IGSF21: variants seen among roughly 807,000 people sequenced by gnomAD.
IGSF21 encodes immunoglobin superfamily member 21.
Under a neutral mutation model 46.8 loss-of-function variants are expected in IGSF21, and 28 were observed. The ratio of observed to expected loss-of-function variants is 0.60; its 90% CI spans 0.44 to 0.82. IGSF21 has a LOEUF of 0.82. IGSF21 is among the 40% of genes least tolerant of loss of function. IGSF21 has a pLI of 0.00. For synonymous variants in IGSF21, 284 were observed against 273.6 expected (o/e 1.04, Z -0.38); for missense variants, 624 against 665.5 (o/e 0.94, Z 0.69).
chr1:18,120,150 G>A (rs2086222474), intron 1 of IGSF21, among the ~76,000 whole-genome samples: 1 of 152,262 alleles, frequency 6.6e-6, no homozygotes, highest in Non-Finnish European at 1.5e-5. Flanking sequence ...GGGACTATTT[G>A]CATAGGATTT....
chr1:18,227,828 C>T (rs1190858620), intron 1 of IGSF21, 70 bp from the exon 2 acceptor site: 3 of 1,110,884 alleles, frequency 2.7e-6, no homozygotes, highest in African/African-American at 1.5e-5. Flanking sequence ...TCTCCCTGGC[C>T]CTGCCCTCAT....
At chr1:18,230,453 T>A (rs1024163630) in intron 2 of IGSF21, among the ~76,000 whole-genome samples, 4 of 152,174 alleles carry the variant, frequency 2.6e-5, no homozygotes, top group African/African-American at 9.7e-5. Context: ...ACTGAGGGCC[T>A]CTGGAGCAGG....
rs753701060 is a variant in IGSF21 at position 18,365,606 on chromosome 1, C to T, written c.924C>T (p.Thr308=). The change falls in exon 6 of 10, where the codon ACC becomes ACT. Residue 308 remains threonine (T), a synonymous_variant. Transcript: ENST00000251296. The surrounding 1 kb of genome is among the most constrained non-coding windows in gnomAD (Gnocchi z 4.8). The part of the protein sequence containing the change: ...TVEVRALLTW[T]LNPQIDNEAL... ...AAGTACGTGCCCTGCTCACCTGGAC[C>T]CTCAACCCACAGATCGACAACGAGG... 1 of 1,614,214 alleles carries T rather than the reference C, an allele frequency of 6.2e-7. No individual in the cohort carries two copies. The highest frequency in any genetic ancestry group is 1.1e-5 in the South Asian group (1 of 91,082).
At chr1:18,356,283 C>T (rs1245080726) in intron 4 of IGSF21, among the ~76,000 whole-genome samples, 2 of 152,200 alleles carry the variant, frequency 1.3e-5, no homozygotes, top group African/African-American at 4.8e-5. Flanking sequence ...CACCCACCCC[C>T]ACCACACACA....
chr1:18,228,808 G>A (rs933183340), intron 2 of IGSF21, among the ~76,000 whole-genome samples: 5 of 152,112 alleles, frequency 3.3e-5, no homozygotes, highest in South Asian at 4.1e-4. Flanking sequence ...TTTTGGTGAC[G>A]ACTGAGATTG....
intron 1 of IGSF21, among the ~76,000 whole-genome samples, chr1:18,208,266 T>A (rs2084352481): frequency 6.6e-6 from 1 of 150,664 alleles, no homozygotes; most frequent in African/African-American, 2.4e-5. Flanking sequence ...CAGAATTCAG[T>A]TCCCCTGGGA....
intron 2 of IGSF21, among the ~76,000 whole-genome samples, chr1:18,268,520 C>G (rs2124543141): frequency 6.6e-6 from 1 of 152,334 alleles, no homozygotes; most frequent in East Asian, 1.9e-4. Context: ...GTCCCAAAGA[C>G]AGGTCACCAA....
Position 18,362,177 on chromosome 1 carries a change from G to T in IGSF21, c.487G>T (p.Ala163Ser). The change falls in exon 5 of 10, where the codon GCC (alanine) becomes TCC (serine). Residue 163 changes from alanine to serine, a missense_variant. Physicochemically the swap from Ala to Ser is moderately conservative, Grantham distance 99 (BLOSUM62 1). Coordinates refer to ENST00000251296, the MANE Select transcript of IGSF21 (RefSeq NM_032880.5). ...DTPAPFSRYQ[A>S]QNFTLVCIVS... is the part of the protein sequence containing the mutation. ...ACCAGCCCCCTTCAGCCGCTACCAAGCCCAGAACTTCACGCTGGTCTGCAT... is the reference window on the plus strand; with the variant it reads ...ACCAGCCCCCTTCAGCCGCTACCAATCCCAGAACTTCACGCTGGTCTGCAT... 6.2e-7 allele frequency: 1 copy of T among 1,613,414 alleles called. No homozygotes were observed. The highest frequency in any genetic ancestry group is 8.5e-7 in the Non-Finnish European group (1 of 1,179,804).
At chr1:18,331,180 G>A (rs1327954448) in intron 3 of IGSF21, among the ~76,000 whole-genome samples, 1 of 152,034 alleles carries the variant, frequency 6.6e-6, no homozygotes, top group Non-Finnish European at 1.5e-5. Flanking sequence ...TTCTTTAGTG[G>A]TGATTTGTGA....
intron 1 of IGSF21, among the ~76,000 whole-genome samples, chr1:18,118,006 G>T (rs1027784196): frequency 2.0e-5 from 3 of 152,206 alleles, no homozygotes; most frequent in Non-Finnish European, 4.4e-5. Flanking sequence ...CCTGGCATGG[G>T]GAAGCCTCTG....
chr1:18,141,238 A>T (rs2124425326), intron 1 of IGSF21, among the ~76,000 whole-genome samples: 1 of 152,306 alleles, frequency 6.6e-6, no homozygotes, highest in East Asian at 1.9e-4. Flanking sequence ...GAGGAGAGAG[A>T]GAGTTTAAAG....
At chr1:18,161,381 T>G (rs909442734) in intron 1 of IGSF21, among the ~76,000 whole-genome samples, 4 of 151,962 alleles carry the variant, frequency 2.6e-5, no homozygotes, top group African/African-American at 9.7e-5. Context: ...TGGAGATAGG[T>G]CACCAGCCCA....
intron 4 of IGSF21, among the ~76,000 whole-genome samples, chr1:18,360,008 T>G (rs2086082393): frequency 6.6e-6 from 1 of 152,174 alleles, no homozygotes; most frequent in Non-Finnish European, 1.5e-5. Flanking sequence ...CACCTCTTAA[T>G]TTTCCCCATC....
chr1:18,364,096 C>A (rs561790571), intron 5 of IGSF21, among the ~76,000 whole-genome samples: 4 of 152,090 alleles, frequency 2.6e-5, no homozygotes, highest in African/African-American at 7.2e-5. Context: ...TCCTACCCAG[C>A]CTGTCTGCCT....
At chr1:18,288,530 G>A (rs1410130560) in intron 2 of IGSF21, among the ~76,000 whole-genome samples, 1 of 152,192 alleles carries the variant, frequency 6.6e-6, no homozygotes, top group Non-Finnish European at 1.5e-5. Flanking sequence ...TCTCAGGCGT[G>A]GAGAAATGTT....
At chr1:18,378,208 C>G (rs16861869) in intron 9 of IGSF21, 48 bp from the exon 10 acceptor site, 1 of 1,497,378 alleles carries the variant, frequency 6.7e-7, no homozygotes, top group Non-Finnish European at 9.3e-7. Flanking sequence ...TGTTCTGGAA[C>G]GGGGTTGGGT....
chr1:18,319,689 T>C (rs2085581519), intron 3 of IGSF21, among the ~76,000 whole-genome samples: 2 of 152,236 alleles, frequency 1.3e-5, no homozygotes, highest in South Asian at 4.1e-4. Context: ...TGCATTTGTT[T>C]CATCTATTCT....
chr1:18,111,234 A>C (rs1318040718), intron 1 of IGSF21: 1 of 152,082 alleles, frequency 6.6e-6, no homozygotes, highest in African/African-American at 2.4e-5. Context: ...AATCCCTTGC[A>C]GGCTGCCTCG....
At chr1:18,276,910 T>G (rs1209870567) in intron 2 of IGSF21, among the ~76,000 whole-genome samples, 1 of 152,168 alleles carries the variant, frequency 6.6e-6, no homozygotes, top group East Asian at 1.9e-4. Context: ...ACAAGGACAC[T>G]CATACATACA....
Sources: gnomAD v4.1 joint callset for allele counts (sites outside exome capture counted in the v4.1 genomes callset) on GRCh38, gnomAD v4.1.1 for gene constraint, Gnocchi (gnomAD v3.1) non-coding constraint, MANE v1.5 for transcripts, NCBI Gene and HGNC (gene_info 2026-07-23, HGNC 2026-07-21) for gene names.